Variants in ALPL observed in about 807,000 individuals in gnomAD.
The protein encoded by ALPL is alkaline phosphatase, biomineralization associated, also known as alkaline phosphatase, tissue-nonspecific isozyme.
Under a neutral mutation model 51.3 loss-of-function variants are expected in ALPL, and 42 were observed. That is an observed-to-expected ratio of 0.82 (90% CI 0.64 to 1.06). The LOEUF (loss-of-function observed/expected upper bound fraction) is 1.06. Among genes scored for constraint, ALPL ranks in the 50% least tolerant of loss-of-function variants. ALPL has a pLI of 0.00. For synonymous variants in ALPL, 279 were observed against 296.4 expected, an observed-to-expected ratio of 0.94 and a Z score of 0.60; for missense variants, 589 against 709.4, an observed-to-expected ratio of 0.83 and a Z score of 1.93.
At chr1:21,554,889 T>TC (rs1644390820) in intron 2 of ALPL, among the ~76,000 whole-genome samples, 10 of 120,154 alleles carry the variant, frequency 8.3e-5, no homozygotes, top group African/African-American at 3.0e-4. Flanking sequence ...TTCTTTCTTT[T>TC]TCTTTCTTTC....
At chr1:21,562,008 C>T (rs1449153153) in intron 4 of ALPL, among the ~76,000 whole-genome samples, 5 of 152,134 alleles carry the variant, frequency 3.3e-5, no homozygotes, top group Non-Finnish European at 7.3e-5. Flanking sequence ...TTCATTCTTT[C>T]CCGAGGCAGT....
intron 8 of ALPL, among the ~76,000 whole-genome samples, chr1:21,571,442 G>A (rs1364946898): frequency 1.3e-5 from 2 of 152,046 alleles, no homozygotes; most frequent in Non-Finnish European, 2.9e-5. Flanking sequence ...GGAGGCCGAG[G>A]TGGGCGGAGC....
chr1:21,544,220 C>T (rs894190140), intron 1 of ALPL, among the ~76,000 whole-genome samples: 9 of 152,218 alleles, frequency 5.9e-5, no homozygotes, highest in Admixed American at 2.6e-4. Context: ...CAATGTTAGA[C>T]GCCAAAGGAA....
At chr1:21,527,575 G>GT (rs1643965188) in intron 1 of ALPL, among the ~76,000 whole-genome samples, 1 of 148,082 alleles carries the variant, frequency 6.8e-6, no homozygotes, top group South Asian at 2.1e-4. Context: ...TTGAGGTGGA[G>GT]TTTTGGCTCT....
chr1:21,557,339 G>A (rs903123945), intron 2 of ALPL, among the ~76,000 whole-genome samples: 1 of 152,164 alleles, frequency 6.6e-6, no homozygotes, highest in Non-Finnish European at 1.5e-5. Flanking sequence ...CTCTTAGGAC[G>A]GCTGTATTTC....
At chr1:21,553,922 A>G (rs921524634) in intron 1 of ALPL, 56 bp from the exon 2 acceptor site, 3 of 691,402 alleles carry the variant, frequency 4.3e-6, no homozygotes, top group South Asian at 3.1e-5. Context: ...GTGAGTGAAA[A>G]AGGATCTCTA....
chr1:21,567,515 G>T (rs1177680164), intron 6 of ALPL, among the ~76,000 whole-genome samples: 1 of 152,230 alleles, frequency 6.6e-6, no homozygotes, highest in Non-Finnish European at 1.5e-5. Flanking sequence ...CCTGGCTGGA[G>T]CCTCTCCCTG....
intron 1 of ALPL, among the ~76,000 whole-genome samples, chr1:21,531,459 A>G (rs56963437): frequency 6.6e-6 from 1 of 152,094 alleles, no homozygotes; most frequent in Non-Finnish European, 1.5e-5. Context: ...GGGTTTCATG[A>G]AAATGTGGGC....
Position 21,577,593 on chromosome 1 carries a change from C to T in ALPL, c.1520C>T (p.Ala507Val), listed in dbSNP as rs1446100831. The T allele has an allele frequency of 5.0e-6, 8 of 1,601,574 alleles. No homozygotes were observed. Among genetic ancestry groups the T allele is most frequent in the Admixed American group, 1.7e-5 (1 of 59,966 alleles). Residue 507 changes from alanine (A) to valine (V), a missense_variant, in exon 12 of 12, where the codon GCT (alanine) becomes GTT (valine). Coordinates refer to ENST00000374840, the MANE Select transcript of ALPL (RefSeq NM_000478.6). ...CCTGCCAGCTCGGCAGGCAGCCTTG[C>T]TGCAGGCCCCCTGCTGCTCGCGCTG... Reference protein sequence around the residue: ...CAPASSAGSLAAGPLLLALAL... With the variant: ...CAPASSAGSLVAGPLLLALAL...
intron 1 of ALPL, among the ~76,000 whole-genome samples, chr1:21,522,209 C>T (rs1303712659): frequency 1.3e-5 from 2 of 151,960 alleles, no homozygotes; most frequent in Non-Finnish European, 2.9e-5. Flanking sequence ...GTAGCTGGGA[C>T]TACAGGCACA....
chr1:21,554,274 AACCTCAGCCCTGCT>A (rs1410514757), intron 2 of ALPL, 132 bp downstream of exon 2: 2 of 889,910 alleles, frequency 2.2e-6, no homozygotes, highest in Non-Finnish European at 3.7e-6. Flanking sequence ...CAGAGCAGGA[AACCTCAGCCCTGCT>A]ACTTGCATGT....
intron 1 of ALPL, among the ~76,000 whole-genome samples, chr1:21,513,276 G>A (rs1643727920): frequency 6.6e-6 from 1 of 152,128 alleles, no homozygotes; most frequent in Non-Finnish European, 1.5e-5. Context: ...AGTGGACTGG[G>A]AATTCAGTCT....
chr1:21,545,924 T>C (rs955113076), intron 1 of ALPL, among the ~76,000 whole-genome samples: 5 of 152,064 alleles, frequency 3.3e-5, no homozygotes, highest in Non-Finnish European at 7.4e-5. Context: ...CAAGCGATTA[T>C]CCTGCCTCAG....
intron 1 of ALPL, among the ~76,000 whole-genome samples, chr1:21,519,837 G>C (rs1643865853): frequency 6.6e-6 from 1 of 152,052 alleles, no homozygotes; most frequent in South Asian, 2.1e-4. Context: ...GAGGGAGGGT[G>C]GTGGGCCCCG....
At chr1:21,548,752 C>T (rs2148124535) in intron 1 of ALPL, among the ~76,000 whole-genome samples, 1 of 152,116 alleles carries the variant, frequency 6.6e-6, no homozygotes, top group South Asian at 2.1e-4. Context: ...TTCCTTTGTC[C>T]CTGCTCCCTG....
chr1:21,536,594 A>T (rs942142667), intron 1 of ALPL, among the ~76,000 whole-genome samples: 1 of 152,122 alleles, frequency 6.6e-6, no homozygotes, highest in Admixed American at 6.6e-5. Context: ...TCTTCAGGCT[A>T]TACAAAGTGC....
rs1273020587 is a variant in ALPL, at chr1:21,564,231, G to A, written c.648+15G>A. 2 of 1,612,794 alleles carry A rather than the reference G, an allele frequency of 1.2e-6. No homozygotes were observed. Among genetic ancestry groups the A allele is most frequent in the Non-Finnish European group, 1.7e-6 (2 of 1,179,800 alleles). ...GGGACATTGACGTGAGTGCTCGGGG[G>A]CAGCCGGGCAGGGACGGGGTGAGGC... On this transcript the variant is annotated intron_variant, in intron 6 of 11. Transcript: ENST00000374840. The surrounding 1 kb of genome is among the most constrained non-coding windows in gnomAD (Gnocchi z 5.8).
At chr1:21,516,887 G>A (rs988795714) in intron 1 of ALPL, among the ~76,000 whole-genome samples, 1 of 152,106 alleles carries the variant, frequency 6.6e-6, no homozygotes, top group African/African-American at 2.4e-5. Flanking sequence ...TTTACCAAAG[G>A]TTTTTGTCCT....
intron 1 of ALPL, among the ~76,000 whole-genome samples, chr1:21,550,485 C>T (rs1323816227): frequency 6.6e-6 from 1 of 152,182 alleles, no homozygotes; most frequent in African/African-American, 2.4e-5. Flanking sequence ...CTATGGAGTG[C>T]AGCACATAGA....
Sources: allele counts gnomAD v4.1 joint callset (sites outside exome capture counted in the v4.1 genomes callset), GRCh38; gene constraint gnomAD v4.1.1; non-coding constraint Gnocchi (gnomAD v3.1); transcripts MANE v1.5; gene names NCBI Gene and HGNC (gene_info 2026-07-23, HGNC 2026-07-21).